CELF2: variants seen among roughly 807,000 people sequenced by gnomAD.
CELF2 encodes CUGBP Elav-like family member 2, also known as CUG triplet repeat RNA-binding protein 2.
Under a neutral mutation model 62.6 loss-of-function variants are expected in CELF2, and 8 were observed. The observed-to-expected ratio is 0.13, with a 90% CI of 0.07 to 0.23. CELF2 has a LOEUF of 0.23. CELF2 is among the 10% of genes least tolerant of loss of function. The probability of loss-of-function intolerance (pLI) is 1.00; values close to 1 mark genes in which losing one functional copy is unlikely to be tolerated. For missense variants in CELF2, 333 were observed against 671.0 expected (o/e 0.50, Z 5.56); for synonymous variants, 258 against 250.0 (o/e 1.03, Z -0.30).
At chr10:10,786,279 A>G in the CELF2 span, among the ~76,000 whole-genome samples, 1 of 152,172 alleles carries the variant, frequency 6.6e-6, no homozygotes, top group African/African-American at 2.4e-5. Flanking sequence ...GCATTACATG[A>G]GATAATGCCC....
At chr10:11,209,164 C>A (rs1247709773) in intron 2 of CELF2, among the ~76,000 whole-genome samples, 1 of 152,096 alleles carries the variant, frequency 6.6e-6, no homozygotes, top group East Asian at 1.9e-4. Flanking sequence ...GCATCAAACA[C>A]AGGGGAGCCA....
At chr10:10,974,471 T>C (rs563361900) in intron 2 of CELF2, among the ~76,000 whole-genome samples, 1 of 152,252 alleles carries the variant, frequency 6.6e-6, no homozygotes, top group Non-Finnish European at 1.5e-5. Flanking sequence ...TAGACTGGAT[T>C]TGGGTTCTAA....
chr10:10,727,395 C>A, the CELF2 span, among the ~76,000 whole-genome samples: 2 of 152,308 alleles, frequency 1.3e-5, no homozygotes, highest in South Asian at 4.1e-4. Flanking sequence ...AACCACTTCA[C>A]TTTATATTGA....
chr10:11,183,323 A>G (rs2073986814), intron 2 of CELF2, among the ~76,000 whole-genome samples: 1 of 152,218 alleles, frequency 6.6e-6, no homozygotes, highest in Non-Finnish European at 1.5e-5. Context: ...GAATGGAGGT[A>G]CCACAGCTCA....
At chr10:10,597,561 G>C in the CELF2 span, among the ~76,000 whole-genome samples, 6 of 152,110 alleles carry the variant, frequency 3.9e-5, no homozygotes, top group Non-Finnish European at 7.4e-5. Flanking sequence ...AGAACATTTT[G>C]AATAAATGAC....
chr10:11,012,339 T>G lies in CELF2; in HGVS notation c.53+6899T>G, dbSNP rs1182298378. Among the ~76,000 whole-genome samples the G allele has an allele frequency of 6.6e-6, 1 of 152,226 alleles. No individual in the cohort carries two copies. The highest frequency in any genetic ancestry group is 1.5e-5 in the Non-Finnish European group (1 of 68,046). ...GTCAAGTAGATTCATTTGCTTTATTTTAACAGAAACCAAAGCTTTGGCTCT... is the reference window on the plus strand; with the variant it reads ...GTCAAGTAGATTCATTTGCTTTATTGTAACAGAAACCAAAGCTTTGGCTCT... On this transcript the variant is annotated intron_variant, in intron 1 of 12. Transcript: ENST00000416382. This position sits in a 1 kb window ranked among gnomAD's most constrained non-coding sequence, Gnocchi z 5.5.
chr10:10,785,751 G>A, the CELF2 span, among the ~76,000 whole-genome samples: 6 of 152,142 alleles, frequency 3.9e-5, no homozygotes, highest in African/African-American at 1.4e-4. Flanking sequence ...TTGGAGAGAA[G>A]TTGGTCAAAG....
At chr10:11,230,991 G>C (rs1247544798) in intron 3 of CELF2, among the ~76,000 whole-genome samples, 1 of 152,182 alleles carries the variant, frequency 6.6e-6, no homozygotes, top group African/African-American at 2.4e-5. Context: ...TCCGCAGCTT[G>C]AGAGACTTTT....
the CELF2 span, among the ~76,000 whole-genome samples, chr10:10,695,501 C>A: frequency 6.6e-6 from 1 of 150,850 alleles, no homozygotes; most frequent in East Asian, 1.9e-4. Flanking sequence ...TTGCTCTTCT[C>A]GAGGAGTATC....
chr10:10,576,678 C>T, the CELF2 span, among the ~76,000 whole-genome samples: 1 of 152,168 alleles, frequency 6.6e-6, no homozygotes, highest in African/African-American at 2.4e-5. Flanking sequence ...ACTATAAAAC[C>T]TAGCCCCTTC....
At chr10:10,686,585 G>A in the CELF2 span, among the ~76,000 whole-genome samples, 5,985 of 152,150 alleles carry the variant, frequency 0.039, 288 homozygotes, top group East Asian at 0.28. Context: ...TACTGTCCTT[G>A]TGATAGTGAG....
chr10:10,645,874 A>T, the CELF2 span, among the ~76,000 whole-genome samples: 1 of 152,322 alleles, frequency 6.6e-6, no homozygotes, highest in South Asian at 2.1e-4. Flanking sequence ...CTATTTTGTG[A>T]TTCCATGAAA....
intron 1 of CELF2, among the ~76,000 whole-genome samples, chr10:11,085,803 ACTGCACCACCATTTGAATC>A (rs1328891471): frequency 1.3e-5 from 2 of 152,194 alleles, no homozygotes; most frequent in Non-Finnish European, 2.9e-5. Flanking sequence ...AATAAAACAG[ACTGCACCACCATTTGAATC>A]CTGGGTCACC....
At chr10:10,870,208 T>C (rs1237409762) in intron 1 of CELF2, among the ~76,000 whole-genome samples, 2 of 152,102 alleles carry the variant, frequency 1.3e-5, no homozygotes, top group Non-Finnish European at 2.9e-5. Flanking sequence ...AGAAAAGGAA[T>C]AGAATTTAAT....
chr10:11,018,196 C>G lies in CELF2; in HGVS notation c.74+33C>G, dbSNP rs201531153. On this transcript the variant is annotated intron_variant, in intron 1 of 12. Transcript: ENST00000633077. ...GCGCCGCGTCCCGAGGCCGGGCGAG[C>G]GGGCGTCCTCCTCCCAGAGTCGGCG... 2.1e-4 allele frequency: 309 copies of G among 1,489,302 alleles called. No homozygotes were observed. In the African/African-American group the frequency reaches 3.6e-3, roughly 17 times the overall value. The allele number at this position is 1,489,302 out of a possible 1,614,324, so 92.3% of individuals were successfully genotyped here.
intron 1 of CELF2, among the ~76,000 whole-genome samples, chr10:11,071,389 G>T (rs888663458): frequency 6.6e-6 from 1 of 152,200 alleles, no homozygotes; most frequent in African/African-American, 2.4e-5. Flanking sequence ...TAAAAGTAAG[G>T]TTCAGAGGAG....
intron 1 of CELF2, among the ~76,000 whole-genome samples, chr10:11,033,586 T>C (rs1428316833): frequency 2.0e-5 from 3 of 152,200 alleles, no homozygotes; most frequent in Non-Finnish European, 2.9e-5. Context: ...GGTTATTTGT[T>C]GAGGCATCTG....
rs554467069 is a variant in CELF2, at chr10:10,878,327, T to A, written c.54-41637T>A. On this transcript the variant is annotated intron_variant, in intron 1 of 13. Transcript: ENST00000636488. ...CCCTGGGCTAATCTGGTGAGCAACC[T>A]CAGATGGGAAAAAACAAACAGGCCT... 7.2e-5 allele frequency among the ~76,000 whole-genome samples: 11 copies of A among 152,284 alleles called. No individual in the cohort carries two copies. The South Asian group carries it at 2.3e-3, about 32-fold the overall frequency.
At chr10:11,135,825 G>C (rs896074980) in intron 1 of CELF2, among the ~76,000 whole-genome samples, 1 of 151,330 alleles carries the variant, frequency 6.6e-6, no homozygotes, top group African/African-American at 2.4e-5. Flanking sequence ...TATGGTCTGA[G>C]GTCTGTAAAT....
Sources: allele counts gnomAD v4.1 joint callset (sites outside exome capture counted in the v4.1 genomes callset), GRCh38; gene constraint gnomAD v4.1.1; non-coding constraint Gnocchi (gnomAD v3.1); transcripts MANE v1.5; gene names NCBI Gene and HGNC (gene_info 2026-07-23, HGNC 2026-07-21).